The following PLCXD3 variants were observed in gnomAD, a reference collection of about 807,000 sequenced individuals.
PLCXD3 encodes the protein PI-PLC X domain-containing protein 3.
Under a neutral mutation model 25.5 loss-of-function variants are expected in PLCXD3, and 19 were observed. The observed-to-expected ratio is 0.75, with a 90% CI of 0.52 to 1.09. The LOEUF (loss-of-function observed/expected upper bound fraction) is 1.09, where lower values mean the gene tolerates loss of function less well. Among genes scored for constraint, PLCXD3 ranks in the 50% least tolerant of loss-of-function variants. The pLI, the probability that PLCXD3 is intolerant of heterozygous loss-of-function variation, is 0.00. For missense variants in PLCXD3, 411 were observed against 388.1 expected (o/e 1.06, Z -0.50); for synonymous variants, 174 against 137.6 (o/e 1.26, Z -1.85).
chr5:41,456,981 T>A (rs1434783962), intron 1 of PLCXD3, among the ~76,000 whole-genome samples: 1 of 151,940 alleles, frequency 6.6e-6, no homozygotes, highest in Non-Finnish European at 1.5e-5. Context: ...TTACTCTTTT[T>A]AAAAAGGGTT....
At chr5:41,510,355 G>A (rs1473237446) in intron 1 of PLCXD3, 69 bp downstream of exon 1, 2 of 1,329,822 alleles carry the variant, frequency 1.5e-6, no homozygotes, top group Admixed American at 2.2e-5. Context: ...CCACTTAGTG[G>A]CAGATAAAGC....
At chr5:41,356,358 C>T (rs377678752) in intron 2 of PLCXD3, among the ~76,000 whole-genome samples, 1 of 152,080 alleles carries the variant, frequency 6.6e-6, no homozygotes, top group African/African-American at 2.4e-5. Flanking sequence ...GGCTTTGTAT[C>T]GGTGAAGAAA....
At chr5:41,468,302 G>A (rs1322623979) in intron 1 of PLCXD3, among the ~76,000 whole-genome samples, 1 of 152,022 alleles carries the variant, frequency 6.6e-6, no homozygotes, top group Non-Finnish European at 1.5e-5. Flanking sequence ...ACAGGCATGA[G>A]CCACTGTACC....
At chr5:41,431,933 G>A (rs1747118516) in intron 1 of PLCXD3, among the ~76,000 whole-genome samples, 1 of 152,238 alleles carries the variant, frequency 6.6e-6, no homozygotes, top group South Asian at 2.1e-4. Context: ...GAGGTTTGCT[G>A]GACCTACAAG....
chr5:41,425,729 A>G (rs981728181), intron 1 of PLCXD3, among the ~76,000 whole-genome samples: 1 of 152,176 alleles, frequency 6.6e-6, no homozygotes, highest in Non-Finnish European at 1.5e-5. Context: ...GGAATTAAAA[A>G]GTATGGAGGC....
At chr5:41,330,595 T>A (rs1743770373) in intron 2 of PLCXD3, among the ~76,000 whole-genome samples, 1 of 152,198 alleles carries the variant, frequency 6.6e-6, no homozygotes, top group Non-Finnish European at 1.5e-5. Flanking sequence ...ACTCATTTTA[T>A]GAGGCCAGCA....
At chr5:41,388,165 T>C (rs1745697941) in intron 1 of PLCXD3, among the ~76,000 whole-genome samples, 1 of 151,906 alleles carries the variant, frequency 6.6e-6, no homozygotes, top group African/African-American at 2.4e-5. Context: ...TCAAGAGTCT[T>C]ATAATTTAAT....
intron 1 of PLCXD3, among the ~76,000 whole-genome samples, chr5:41,508,010 A>G (rs2111600409): frequency 6.6e-6 from 1 of 152,314 alleles, no homozygotes; most frequent in East Asian, 1.9e-4. Flanking sequence ...TTTTTTATAT[A>G]TGTGGATCTT....
chr5:41,327,405 A>C (rs1743664524), intron 2 of PLCXD3, among the ~76,000 whole-genome samples: 1 of 152,078 alleles, frequency 6.6e-6, no homozygotes, highest in South Asian at 2.1e-4. Flanking sequence ...TTTCTCCTGC[A>C]AAGAATTTGA....
At chr5:41,359,813 A>G (rs1744723736) in intron 2 of PLCXD3, among the ~76,000 whole-genome samples, 1 of 152,068 alleles carries the variant, frequency 6.6e-6, no homozygotes, top group Non-Finnish European at 1.5e-5. Context: ...CTATGTGCCT[A>G]GGTGATAATC....
intron 1 of PLCXD3, among the ~76,000 whole-genome samples, chr5:41,491,527 A>T (rs1230874723): frequency 3.9e-5 from 6 of 152,158 alleles, no homozygotes. Context: ...TAACGTCGAC[A>T]GTGGGGTGTT....
chr5:41,435,936 G>C (rs888558331), intron 1 of PLCXD3, among the ~76,000 whole-genome samples: 2 of 152,090 alleles, frequency 1.3e-5, no homozygotes, highest in African/African-American at 4.8e-5. Context: ...ACCACCTACT[G>C]AATAGTGCCT....
At chr5:41,490,069 G>C (rs1232657518) in intron 1 of PLCXD3, among the ~76,000 whole-genome samples, 1 of 152,102 alleles carries the variant, frequency 6.6e-6, no homozygotes, top group East Asian at 1.9e-4. Context: ...TTGGCTGTGG[G>C]TTTGTCATAG....
rs1743044612 is a variant in PLCXD3, at chr5:41,308,073, C to T, written c.*5544G>A. 1 of 152,074 alleles carries T rather than the reference C, an allele frequency of 6.6e-6. No homozygotes were observed. The highest frequency in any genetic ancestry group is 6.6e-5 in the Admixed American group (1 of 15,248). 9.4% of individuals were successfully genotyped at this position (152,074 alleles called of 1,614,324 possible). Reference sequence around the variant, plus strand: ...CGTCCTTCAAAAAGCATTTGCAGGACCTAGAGCTGACCAATGTTTTCTTTC... The same window carrying T: ...CGTCCTTCAAAAAGCATTTGCAGGATCTAGAGCTGACCAATGTTTTCTTTC... On this transcript the variant is annotated 3_prime_UTR_variant, in exon 3 of 3. Transcript: ENST00000377801.
chr5:41,458,365 C>T (rs1363191162), intron 1 of PLCXD3, among the ~76,000 whole-genome samples: 3 of 151,632 alleles, frequency 2.0e-5, no homozygotes. Flanking sequence ...AAAATAAAAC[C>T]AGAATTAGTG....
intron 1 of PLCXD3, among the ~76,000 whole-genome samples, chr5:41,496,627 CAAAAA>C (rs71608608): frequency 1.7e-5 from 2 of 114,716 alleles, no homozygotes; most frequent in Admixed American, 9.2e-5. Context: ...TTTCCCAGAC[CAAAAA>C]AAAAAAAAAA....
intron 1 of PLCXD3, among the ~76,000 whole-genome samples, chr5:41,485,865 C>T (rs1360694168): frequency 6.6e-6 from 1 of 152,170 alleles, no homozygotes; most frequent in African/African-American, 2.4e-5. Flanking sequence ...CCTGCTCTTA[C>T]ATAGTTCATT....
intron 1 of PLCXD3, among the ~76,000 whole-genome samples, chr5:41,448,143 A>G (rs1161408036): frequency 3.3e-5 from 5 of 152,188 alleles, no homozygotes; most frequent in African/African-American, 4.8e-5. Flanking sequence ...ACCAAAACAG[A>G]CATAGAAGGT....
chr5:41,400,816 T>C (rs933515101), intron 1 of PLCXD3, among the ~76,000 whole-genome samples: 1 of 152,054 alleles, frequency 6.6e-6, no homozygotes, highest in Non-Finnish European at 1.5e-5. Context: ...AATAACTTAA[T>C]GGTCCATTTT....
Sources: allele counts gnomAD v4.1 joint callset (sites outside exome capture counted in the v4.1 genomes callset), GRCh38; gene constraint gnomAD v4.1.1; transcripts MANE v1.5; gene names NCBI Gene and HGNC (gene_info 2026-07-23, HGNC 2026-07-21).